The following SCMH1 variants were observed in gnomAD, a reference collection of about 807,000 sequenced individuals.
SCMH1 encodes the protein polycomb protein SCMH1.
A neutral mutation model predicts 70.8 loss-of-function variants in SCMH1; 37 were observed. That is an observed-to-expected ratio of 0.52 (90% CI 0.40 to 0.69). SCMH1 has a LOEUF of 0.69. Among genes scored for constraint, SCMH1 ranks in the 30% least tolerant of loss-of-function variants. The pLI is 0.00. For missense variants in SCMH1, 607 were observed against 827.3 expected (o/e 0.73, Z 3.27); for synonymous variants, 292 against 307.4 (o/e 0.95, Z 0.52).
chr1:41,083,483 A>C (rs541625822), intron 8 of SCMH1, among the ~76,000 whole-genome samples: 2 of 152,344 alleles, frequency 1.3e-5, no homozygotes, highest in South Asian at 4.1e-4. Context: ...AGAGGACACA[A>C]ACAAATGGAA....
At chr1:41,140,584 C>A (rs1643966986) in intron 6 of SCMH1, among the ~76,000 whole-genome samples, 1 of 152,130 alleles carries the variant, frequency 6.6e-6, no homozygotes, top group Non-Finnish European at 1.5e-5. Flanking sequence ...AGCCACTGCA[C>A]CCAGCCAATA....
intron 6 of SCMH1, among the ~76,000 whole-genome samples, chr1:41,131,472 G>T (rs1289776896): frequency 6.6e-6 from 1 of 152,166 alleles, no homozygotes; most frequent in East Asian, 1.9e-4. Context: ...TCAATTTGGA[G>T]AATATTACTG....
At chr1:41,075,007 C>A (rs530388179) in intron 9 of SCMH1, among the ~76,000 whole-genome samples, 6 of 152,140 alleles carry the variant, frequency 3.9e-5, no homozygotes, top group African/African-American at 1.2e-4. Context: ...GGACTACAGG[C>A]GCCCACCACC....
At chr1:41,144,100 T>C (rs1255462678) in intron 5 of SCMH1, among the ~76,000 whole-genome samples, 1 of 152,238 alleles carries the variant, frequency 6.6e-6, no homozygotes, top group African/African-American at 2.4e-5. Flanking sequence ...GGTAGGTATA[T>C]GTTTAAATCA....
At chr1:41,129,116 T>C (rs1461006968) in intron 6 of SCMH1, among the ~76,000 whole-genome samples, 1 of 152,200 alleles carries the variant, frequency 6.6e-6, no homozygotes, top group African/African-American at 2.4e-5. Context: ...ATTAATTCTA[T>C]AATCTGTGTT....
intron 14 of SCMH1, 54 bp from the exon 16 acceptor site, chr1:41,028,373 G>A (rs1644026245): frequency 1.9e-6 from 3 of 1,605,152 alleles, no homozygotes; most frequent in Non-Finnish European, 1.7e-6. Flanking sequence ...CAGAGTCCTG[G>A]TTGGTCTGAC....
intron 1 of SCMH1, among the ~76,000 whole-genome samples, chr1:41,236,132 G>A (rs556295844): frequency 1.3e-5 from 2 of 152,282 alleles, no homozygotes; most frequent in East Asian, 1.9e-4. Context: ...TAGTTTATGT[G>A]TATTTTCATC....
intron 8 of SCMH1, among the ~76,000 whole-genome samples, chr1:41,082,297 G>A (rs1660259104): frequency 2.0e-5 from 3 of 152,084 alleles, no homozygotes; most frequent in Admixed American, 6.5e-5. Flanking sequence ...AGGAAAAAAT[G>A]TTAAGGGCAG....
At chr1:41,229,472 G>A (rs939843868) in intron 1 of SCMH1, among the ~76,000 whole-genome samples, 5 of 152,096 alleles carry the variant, frequency 3.3e-5, no homozygotes, top group African/African-American at 1.2e-4. Flanking sequence ...CCATCATTCT[G>A]AGCAAACTAT....
At chr1:41,145,641 G>A (rs1644483173) in intron 5 of SCMH1, among the ~76,000 whole-genome samples, 1 of 152,106 alleles carries the variant, frequency 6.6e-6, no homozygotes, top group Admixed American at 6.5e-5. Context: ...AGATCAATTT[G>A]GAAAATAATG....
At position 41,191,740 on chromosome 1, in the gene SCMH1, T is replaced by C. The variant is rs575035196; in HGVS notation, c.-117-5490A>G. On this transcript the variant is annotated intron_variant, in intron 1 of 14. Coordinates refer to ENST00000337495, the Ensembl canonical transcript of SCMH1. ...ATTACTTTAACATGCATACAATATA[T>C]ATGTATTTTTTTAAAAAAATTGTCC... Among the ~76,000 whole-genome samples, 3 of 152,310 alleles carry C rather than the reference T, an allele frequency of 2.0e-5. No homozygotes were observed. The South Asian group carries it at 6.2e-4, about 32-fold the overall frequency.
At chr1:41,175,032 G>T (rs1225563199) in intron 2 of SCMH1, among the ~76,000 whole-genome samples, 2 of 152,190 alleles carry the variant, frequency 1.3e-5, no homozygotes, top group Non-Finnish European at 2.9e-5. Flanking sequence ...AGTTGAAAAC[G>T]AGTACTTGTG....
At chr1:41,214,511 C>T (rs1657691247) in intron 1 of SCMH1, among the ~76,000 whole-genome samples, 1 of 152,118 alleles carries the variant, frequency 6.6e-6, no homozygotes. Flanking sequence ...TTCATTTCTA[C>T]ATTCTTTGAA....
chr1:41,117,357 CG>C (rs1318841337), intron 6 of SCMH1, among the ~76,000 whole-genome samples: 4 of 151,500 alleles, frequency 2.6e-5, no homozygotes, highest in African/African-American at 9.7e-5. Context: ...CTGTTATGCC[CG>C]GACAGGGCCA....
intron 1 of SCMH1, among the ~76,000 whole-genome samples, chr1:41,191,836 T>C (rs1485652582): frequency 1.3e-5 from 2 of 152,160 alleles, no homozygotes; most frequent in Non-Finnish European, 1.5e-5. Context: ...GGAGACAGAA[T>C]GAGAGAGAAT....
At chr1:41,053,491 ACCAACAG>A (rs1385572573) in intron 10 of SCMH1, among the ~76,000 whole-genome samples, 1 of 152,160 alleles carries the variant, frequency 6.6e-6, no homozygotes, top group Non-Finnish European at 1.5e-5. Context: ...GTCCATTTAA[ACCAACAG>A]CCAGAACGAG....
intron 12 of SCMH1, among the ~76,000 whole-genome samples, chr1:41,041,962 CA>C (rs1475632417): frequency 6.6e-6 from 1 of 152,166 alleles, no homozygotes; most frequent in Non-Finnish European, 1.5e-5. Flanking sequence ...ACTGTCCTAA[CA>C]ATCTCCTGCC....
chr1:41,176,485 G>C (rs1204563498), intron 2 of SCMH1, among the ~76,000 whole-genome samples: 2 of 152,240 alleles, frequency 1.3e-5, no homozygotes, highest in African/African-American at 4.8e-5. Context: ...AGGGGTCAGG[G>C]AATTCCCTTT....
intron 6 of SCMH1, among the ~76,000 whole-genome samples, chr1:41,123,527 C>T (rs1033249860): frequency 6.6e-6 from 1 of 152,178 alleles, no homozygotes; most frequent in African/African-American, 2.4e-5. Flanking sequence ...ACATCAGATC[C>T]ACTCCCAGAA....
Sources: gnomAD v4.1 joint callset for allele counts (sites outside exome capture counted in the v4.1 genomes callset) on GRCh38, gnomAD v4.1.1 for gene constraint, MANE v1.5 for transcripts, NCBI Gene and HGNC (gene_info 2026-07-23, HGNC 2026-07-21) for gene names.